Variants in BRIP1 observed in about 807,000 individuals in gnomAD.
BRIP1 encodes BRCA1 interacting DNA helicase 1.
A neutral mutation model predicts 119.7 loss-of-function variants in BRIP1; 88 were observed. The ratio of observed to expected loss-of-function variants is 0.74; its 90% CI spans 0.62 to 0.88. BRIP1 has a LOEUF of 0.88. Among genes scored for constraint, BRIP1 ranks in the 40% least tolerant of loss-of-function variants. BRIP1 has a pLI of 0.00. For missense variants in BRIP1, 1,259 were observed against 1,455.4 expected (o/e 0.87, Z 2.20); for synonymous variants, 443 against 496.5 (o/e 0.89, Z 1.43).
Position 61,704,882 on chromosome 17 carries a change from G to A in BRIP1, c.2492+11069C>T, listed in dbSNP as rs984742560. On this transcript the variant is annotated intron_variant, in intron 17 of 19. Transcript: ENST00000259008. The surrounding 1 kb of genome is among the most constrained non-coding windows in gnomAD (Gnocchi z 5.7). ...TTTTTTTTCTTTGTTAATTTTGCTAGAGGTTTATCAATTTTATTGATCTTT... is the reference window on the plus strand; with the variant it reads ...TTTTTTTTCTTTGTTAATTTTGCTAAAGGTTTATCAATTTTATTGATCTTT... Among the ~76,000 whole-genome samples, 2 of 151,834 alleles carry A rather than the reference G, an allele frequency of 1.3e-5. No homozygotes were observed. Among genetic ancestry groups the A allele is most frequent in the Non-Finnish European group, 2.9e-5 (2 of 67,952 alleles).
chr17:61,727,790 CTA>C (rs10567143), intron 16 of BRIP1, among the ~76,000 whole-genome samples: 15,598 of 130,738 alleles, frequency 0.12, 994 homozygotes, highest in South Asian at 0.25. Flanking sequence ...CTCTCTCTCT[CTA>C]TATATATATA....
At position 61,710,057 on chromosome 17, in the gene BRIP1, A is replaced by T. The variant is rs1218702780; in HGVS notation, c.2492+5894T>A. Among the ~76,000 whole-genome samples the T allele has an allele frequency of 6.6e-6, 1 of 152,108 alleles. No individual in the cohort carries two copies. The highest frequency in any genetic ancestry group is 1.5e-5 in the Non-Finnish European group (1 of 68,008). On this transcript the variant is annotated intron_variant, in intron 17 of 19. Transcript: ENST00000259008. The surrounding 1 kb of genome is among the most constrained non-coding windows in gnomAD (Gnocchi z 5.4). ...GGTCTTTATTTTTTTAATTTAAAAA[A>T]TTTTACTTATTGATTGGTTTTAAAG...
Position 61,836,490 on chromosome 17 carries a change from T to C in BRIP1, c.627+10611A>G, listed in dbSNP as rs562042427. Reference sequence around the variant, plus strand: ...TCATACCCTCTTAGGTATAAGGATCTGAGTAAAAATTGTAAGCTACAAGAA... The same window carrying C: ...TCATACCCTCTTAGGTATAAGGATCCGAGTAAAAATTGTAAGCTACAAGAA... On this transcript the variant is annotated intron_variant, in intron 6 of 19. Coordinates refer to ENST00000259008, the MANE Select transcript of BRIP1 (RefSeq NM_032043.3). Among the ~76,000 whole-genome samples the C allele has an allele frequency of 1.1e-4, 16 of 152,332 alleles. No individual in the cohort carries two copies. The South Asian group carries it at 3.3e-3, about 32-fold the overall frequency.
At chr17:61,716,725 A>G (rs554422661) in intron 16 of BRIP1, among the ~76,000 whole-genome samples, 52 of 64,178 alleles carry the variant, frequency 8.1e-4, no homozygotes, top group Non-Finnish European at 1.0e-4. Flanking sequence ...TACCCCCCCA[A>G]TCTGTACCAT....
chr17:61,776,790 C>T lies in BRIP1; in HGVS notation c.1936-228G>A, dbSNP rs753652000. Among the ~76,000 whole-genome samples, 5 of 152,138 alleles carry T rather than the reference C, an allele frequency of 3.3e-5. No individual in the cohort carries two copies. The highest frequency in any genetic ancestry group is 1.2e-4 in the African/African-American group (5 of 41,428). On this transcript the variant is annotated intron_variant, in intron 13 of 19. Coordinates refer to ENST00000259008, the MANE Select transcript of BRIP1 (RefSeq NM_032043.3). This position sits in a 1 kb window ranked among gnomAD's most constrained non-coding sequence, Gnocchi z 5.0. The stretch of plus-strand genomic sequence containing the variant: ...TCTTAGAGTGAAAATTCTTTGAAAG[C>T]AAAACAGGTTGTACCTGTCTCTGTT...
In BRIP1 at chr17:61,757,940, C is replaced by CCA. The variant is rs2077222334; in HGVS notation, c.2098-13351_2098-13350dup. 6.6e-6 allele frequency among the ~76,000 whole-genome samples: 1 copy of CCA among 151,282 alleles called. No individual in the cohort carries two copies. The highest frequency in any genetic ancestry group is 2.1e-4 in the South Asian group (1 of 4,806). On this transcript the variant is annotated intron_variant, in intron 14 of 19. Transcript: ENST00000259008. The surrounding 1 kb of genome is among the most constrained non-coding windows in gnomAD (Gnocchi z 4.3). ...CCAGGGAGGTAAAGACTACAGTGAG[C>CCA]CAGTGATTGTACCACCACATTCTAG...
chr17:61,706,234 TC>T lies in BRIP1; in HGVS notation c.2492+9716del, dbSNP rs2061688314. 6.6e-6 allele frequency among the ~76,000 whole-genome samples: 1 copy of T among 152,160 alleles called. No homozygotes were observed. On this transcript the variant is annotated intron_variant, in intron 17 of 19. Coordinates refer to ENST00000259008, the MANE Select transcript of BRIP1 (RefSeq NM_032043.3). This position sits in a 1 kb window ranked among gnomAD's most constrained non-coding sequence, Gnocchi z 5.7. ...GTATTATACAGTTACTTGAGCTAGA[TC>T]ATTGGTATTTTGAATTCTGGTCTCC...
chr17:61,816,948 A>T lies in BRIP1; in HGVS notation c.628-8191T>A, dbSNP rs952808416. On this transcript the variant is annotated intron_variant, in intron 6 of 19. Transcript: ENST00000259008. This position sits in a 1 kb window ranked among gnomAD's most constrained non-coding sequence, Gnocchi z 5.0. ...AAATGGATGCTGAAATCTTTCAGTG[A>T]AAAGTTATTAGGGAACAGAATATTG... Among the ~76,000 whole-genome samples the T allele has an allele frequency of 1.3e-5, 2 of 152,218 alleles. No individual in the cohort carries two copies. The highest frequency in any genetic ancestry group is 4.8e-5 in the African/African-American group (2 of 41,456).
Position 61,729,681 on chromosome 17 carries a change from T to C in BRIP1, c.2379+13332A>G, listed in dbSNP as rs2076818267. ...TTGGTAAGTGCTTTATTGGACGTTT[T>C]TCAACTTGATAAATCATAATTTAAA... On this transcript the variant is annotated intron_variant, in intron 16 of 19. Transcript: ENST00000259008. The surrounding 1 kb of genome is among the most constrained non-coding windows in gnomAD (Gnocchi z 5.6). Among the ~76,000 whole-genome samples the C allele has an allele frequency of 6.6e-6, 1 of 152,210 alleles. No homozygotes were observed. The highest frequency in any genetic ancestry group is 2.4e-5 in the African/African-American group (1 of 41,456).
chr17:61,747,822 A>C (rs1481651717), intron 14 of BRIP1, among the ~76,000 whole-genome samples: 1 of 151,942 alleles, frequency 6.6e-6, no homozygotes, highest in East Asian at 1.9e-4. Flanking sequence ...TGTAACCTCA[A>C]ACTCCTGGGC....
In BRIP1 at chr17:61,744,784, T is replaced by C. The variant is rs2077037615; in HGVS notation, c.2098-193A>G. ...ATTTATTAACAGATTTAGAGAGATC[T>C]GAATGGTGCTGGCACAGTTAGCTGC... is the stretch of plus-strand genomic sequence containing the variant. On this transcript the variant is annotated intron_variant, in intron 14 of 19. Coordinates refer to ENST00000259008, the MANE Select transcript of BRIP1 (RefSeq NM_032043.3). This position sits in a 1 kb window ranked among gnomAD's most constrained non-coding sequence, Gnocchi z 5.0. Among the ~76,000 whole-genome samples the C allele has an allele frequency of 6.6e-6, 1 of 151,982 alleles. No homozygotes were observed. The highest frequency in any genetic ancestry group is 1.5e-5 in the Non-Finnish European group (1 of 67,952).
chr17:61,860,877 A>G lies in BRIP1; in HGVS notation c.93+570T>C, dbSNP rs2078964302. Among the ~76,000 whole-genome samples the G allele has an allele frequency of 6.6e-6, 1 of 152,196 alleles. No homozygotes were observed. Among genetic ancestry groups the G allele is most frequent in the South Asian group, 2.1e-4 (1 of 4,828 alleles). ...AAACTCAAGTTCTGCATAAAAAGTA[A>G]GGTACCGTATCACATCAATGCACAG... On this transcript the variant is annotated intron_variant, in intron 2 of 19. Coordinates refer to ENST00000259008, the MANE Select transcript of BRIP1 (RefSeq NM_032043.3). This position sits in a 1 kb window ranked among gnomAD's most constrained non-coding sequence, Gnocchi z 4.1.
Position 61,683,912 on chromosome 17 carries a change from G to GT in BRIP1, c.3133dup (p.Thr1045AsnfsTer7). ...ACATTTATCAGTGAAGGGCAAAACA[G>GT]TTTTACTTTCCATCTTCTCTGTTTT... On this transcript the variant is annotated frameshift_variant, in exon 20 of 20. Transcript: ENST00000259008. LOFTEE classifies it low-confidence loss of function (END_TRUNC). The surrounding 1 kb of genome is among the most constrained non-coding windows in gnomAD (Gnocchi z 4.7). 1 of 1,614,200 alleles carries GT rather than the reference G, an allele frequency of 6.2e-7. No homozygotes were observed. Among genetic ancestry groups the GT allele is most frequent in the Non-Finnish European group, 8.5e-7 (1 of 1,180,028 alleles).
Position 61,861,774 on chromosome 17 carries a change from C to T in BRIP1, c.-30-205G>A. 1 of 569,978 alleles carries T rather than the reference C, an allele frequency of 1.8e-6. No homozygotes were observed. The highest frequency in any genetic ancestry group is 4.7e-4 in the Middle Eastern group (1 of 2,106). 35.3% of individuals were successfully genotyped at this position (569,978 alleles called of 1,614,324 possible). On this transcript the variant is annotated intron_variant, in intron 1 of 19. Coordinates refer to ENST00000259008, the MANE Select transcript of BRIP1 (RefSeq NM_032043.3). The surrounding 1 kb of genome is among the most constrained non-coding windows in gnomAD (Gnocchi z 4.5). ...AGTCTAACAAATCTAGATTTGTATC[C>T]TTCACTCTGCCAGGTATTAGTTGTG...
chr17:61,711,223 T>C (rs1434049567), intron 17 of BRIP1, among the ~76,000 whole-genome samples: 1 of 152,080 alleles, frequency 6.6e-6, no homozygotes, highest in Admixed American at 6.5e-5. Context: ...CTGTTTCACA[T>C]GGTTTCTTGA....
At chr17:61,718,080 T>C (rs1376223210) in intron 16 of BRIP1, among the ~76,000 whole-genome samples, 5 of 152,228 alleles carry the variant, frequency 3.3e-5, no homozygotes. Flanking sequence ...TAAAAATCCT[T>C]GTCTGCTAGC....
rs773347072 is a variant in BRIP1, at chr17:61,776,451, C to G, written c.2047G>C (p.Val683Leu). The change falls in exon 14 of 20, where the codon GTG becomes CTG. Residue 683 changes from valine to leucine, a missense_variant. Physicochemically the swap from Val to Leu is conservative, Grantham distance 32. This residue lies in a region of BRIP1 where 753 missense variants were observed against 891.8 expected (regional missense o/e 0.84). Transcript: ENST00000259008. The surrounding 1 kb of genome is among the most constrained non-coding windows in gnomAD (Gnocchi z 5.0). The part of the protein sequence containing the change: ...QDEVGALLLS[V>L]CQTVSQGILC... ...ATTCCTTGGCTCACAGTCTGGCACACAGATAACAAAAGTGCTCCCACTTCA... is the reference window on the plus strand; with the variant it reads ...ATTCCTTGGCTCACAGTCTGGCACAGAGATAACAAAAGTGCTCCCACTTCA... 5 of 1,614,118 alleles carry G rather than the reference C, an allele frequency of 3.1e-6. No individual in the cohort carries two copies. Among genetic ancestry groups the G allele is most frequent in the Non-Finnish European group, 4.2e-6 (5 of 1,179,990 alleles).
intron 16 of BRIP1, among the ~76,000 whole-genome samples, chr17:61,721,745 T>C (rs1369621036): frequency 7.6e-6 from 1 of 130,772 alleles, no homozygotes; most frequent in Non-Finnish European, 1.6e-5. Flanking sequence ...TCACCCAGGC[T>C]GAAGTGCAGT....
chr17:61,838,493 C>A (rs1269753518), intron 6 of BRIP1, among the ~76,000 whole-genome samples: 1 of 151,456 alleles, frequency 6.6e-6, no homozygotes, highest in Non-Finnish European at 1.5e-5. Context: ...TTGCAGTGAG[C>A]CGATCGCGCC....
Sources: allele counts gnomAD v4.1 joint callset (sites outside exome capture counted in the v4.1 genomes callset), GRCh38; gene constraint gnomAD v4.1.1; regional missense constraint gnomAD v4.1.1; non-coding constraint Gnocchi (gnomAD v3.1); transcripts MANE v1.5; gene names NCBI Gene and HGNC (gene_info 2026-07-23, HGNC 2026-07-21).